MAN1A1: variants seen among roughly 807,000 people sequenced by gnomAD.
MAN1A1 encodes the protein mannosidase alpha class 1A member 1, also known as mannosyl-oligosaccharide 1,2-alpha-mannosidase IA.
MAN1A1 carries 29 observed loss-of-function variants against 70.8 expected under a neutral mutation model. The ratio of observed to expected loss-of-function variants is 0.41; its 90% CI spans 0.31 to 0.56. The LOEUF is 0.56. MAN1A1 is among the 20% of genes least tolerant of loss of function. The probability of loss-of-function intolerance (pLI) is 0.29; values close to 1 mark genes in which losing one functional copy is unlikely to be tolerated. For missense variants in MAN1A1, 747 were observed against 841.3 expected (o/e 0.89, Z 1.39); for synonymous variants, 349 against 330.1 (o/e 1.06, Z -0.62).
At chr6:119,188,338 A>G (rs1773348006) in intron 11 of MAN1A1, 67 bp downstream of exon 11, 1 of 1,399,894 alleles carries the variant, frequency 7.1e-7, no homozygotes, top group South Asian at 1.4e-5. Context: ...AGCCTGATTT[A>G]TGGGTATCAC....
Position 119,290,949 on chromosome 6 carries a change from C to T in MAN1A1, c.817-186G>A, listed in dbSNP as rs185488395. Among the ~76,000 whole-genome samples, 296 of 151,918 alleles carry T rather than the reference C, an allele frequency of 1.9e-3. 3 individuals carry two copies. Among genetic ancestry groups the T allele is most frequent in the African/African-American group, 6.7e-3 (278 of 41,466 alleles). On this transcript the variant is annotated intron_variant, in intron 4 of 12. Coordinates refer to ENST00000368468, the MANE Select transcript of MAN1A1 (RefSeq NM_005907.4). ...AAATATCACTGTGCATTATACGTAT[C>T]GAAACATCACTAACGGACCCCCAAA... is the stretch of plus-strand genomic sequence containing the variant.
chr6:119,275,000 CTAT>C (rs375771090), intron 5 of MAN1A1, among the ~76,000 whole-genome samples: 2 of 152,268 alleles, frequency 1.3e-5, no homozygotes, highest in African/African-American at 4.8e-5. Context: ...GTGCAAAAAT[CTAT>C]TATTAACTCA....
Position 119,302,053 on chromosome 6 carries a change from T to C in MAN1A1, c.751A>G (p.Met251Val), listed in dbSNP as rs780013133. The C allele has an allele frequency of 3.1e-6, 5 of 1,610,804 alleles. No homozygotes were observed. In the Admixed American group the frequency reaches 6.7e-5, roughly 21 times the overall value. Reference protein sequence around the residue: ...IVDALDTLFIMEMKHEFEEAK... With the variant: ...IVDALDTLFIVEMKHEFEEAK... Reference sequence around the variant, plus strand: ...TCTTCAAATTCATGTTTCATTTCCATAATAAAAAGTGTATCCAGGGCATCT... The same window carrying C: ...TCTTCAAATTCATGTTTCATTTCCACAATAAAAAGTGTATCCAGGGCATCT... The change falls in exon 4 of 13, where the codon ATG (methionine) becomes GTG (valine). Residue 251 changes from methionine to valine, a missense_variant. By Grantham distance (21) the Met-to-Val change is conservative. Transcript: ENST00000368468.
intron 11 of MAN1A1, among the ~76,000 whole-genome samples, chr6:119,182,722 T>C (rs1360293088): frequency 1.3e-5 from 2 of 152,080 alleles, no homozygotes; most frequent in African/African-American, 4.8e-5. Flanking sequence ...ACAAAAATAA[T>C]AAAGTTTAAG....
intron 2 of MAN1A1, among the ~76,000 whole-genome samples, chr6:119,309,253 A>AGT (rs1459967255): frequency 6.6e-6 from 1 of 152,220 alleles, no homozygotes; most frequent in African/African-American, 2.4e-5. Context: ...ACATTGTGTG[A>AGT]GTGTGTGTGT....
At chr6:119,211,654 G>A (rs1774053926) in intron 6 of MAN1A1, among the ~76,000 whole-genome samples, 1 of 152,018 alleles carries the variant, frequency 6.6e-6, no homozygotes, top group African/African-American at 2.4e-5. Flanking sequence ...TCACAAATTT[G>A]CAATGGTCTG....
At chr6:119,332,407 G>A (rs1213282422) in intron 2 of MAN1A1, among the ~76,000 whole-genome samples, 2 of 152,194 alleles carry the variant, frequency 1.3e-5, no homozygotes, top group African/African-American at 4.8e-5. Context: ...TAAAAGTATA[G>A]TTTTAACTGT....
chr6:119,186,491 G>GAA (rs995987733), intron 11 of MAN1A1, among the ~76,000 whole-genome samples: 2 of 152,158 alleles, frequency 1.3e-5, no homozygotes, highest in Non-Finnish European at 2.9e-5. Context: ...ACTCCTGCTA[G>GAA]AAACCCTCTG....
chr6:119,183,409 T>G (rs1773204518), intron 11 of MAN1A1, among the ~76,000 whole-genome samples: 1 of 151,972 alleles, frequency 6.6e-6, no homozygotes. Flanking sequence ...TTTCCTCCTT[T>G]TTTTTTGACA....
chr6:119,329,462 C>G (rs541975614), intron 2 of MAN1A1, among the ~76,000 whole-genome samples: 120 of 151,988 alleles, frequency 7.9e-4, no homozygotes, highest in Middle Eastern at 6.8e-3. Flanking sequence ...ATATCCCCCC[C>G]CCACCCACTG....
chr6:119,346,702 C>T (rs900962186), intron 2 of MAN1A1, among the ~76,000 whole-genome samples: 2 of 152,222 alleles, frequency 1.3e-5, no homozygotes, highest in Non-Finnish European at 2.9e-5. Flanking sequence ...TGTAATCACT[C>T]TTGGTCAGTA....
intron 2 of MAN1A1, among the ~76,000 whole-genome samples, chr6:119,338,393 A>G (rs1562248219): frequency 6.6e-6 from 1 of 152,078 alleles, no homozygotes; most frequent in Non-Finnish European, 1.5e-5. Flanking sequence ...AAAATAAAAT[A>G]TCTTTGACAA....
intron 6 of MAN1A1, among the ~76,000 whole-genome samples, chr6:119,241,946 GT>G (rs1775020044): frequency 1.7e-4 from 1 of 5,902 alleles, no homozygotes; most frequent in Non-Finnish European, 5.8e-4. Flanking sequence ...GTGTGTGTAT[GT>G]ATGTGTGTGT....
intron 5 of MAN1A1, among the ~76,000 whole-genome samples, chr6:119,280,916 A>G (rs1279402223): frequency 6.6e-6 from 1 of 152,216 alleles, no homozygotes; most frequent in Non-Finnish European, 1.5e-5. Flanking sequence ...TCAAAGAAAA[A>G]GTGGTGGAAG....
chr6:119,331,884 C>T (rs1010980036), intron 2 of MAN1A1: 14 of 450,724 alleles, frequency 3.1e-5, no homozygotes, highest in African/African-American at 2.4e-4. Context: ...ATATGGGGAA[C>T]CCAGCAGAGA....
intron 6 of MAN1A1, among the ~76,000 whole-genome samples, chr6:119,229,370 C>T (rs1032364175): frequency 1.3e-5 from 2 of 152,140 alleles, no homozygotes; most frequent in Admixed American, 1.3e-4. Flanking sequence ...GTTAATAGTT[C>T]TGAGAAGTTT....
intron 6 of MAN1A1, among the ~76,000 whole-genome samples, chr6:119,220,591 C>T (rs1002205488): frequency 3.9e-5 from 6 of 152,136 alleles, no homozygotes; most frequent in Non-Finnish European, 8.8e-5. Context: ...CAATTAATCA[C>T]CACAACAACC....
At chr6:119,347,895 C>A (rs1562251739) in intron 2 of MAN1A1, among the ~76,000 whole-genome samples, 1 of 152,190 alleles carries the variant, frequency 6.6e-6, no homozygotes, top group Admixed American at 6.5e-5. Flanking sequence ...AAGAGGCAGC[C>A]GACTGGCTTT....
At chr6:119,241,346 G>C (rs1047760057) in intron 6 of MAN1A1, among the ~76,000 whole-genome samples, 15 of 152,146 alleles carry the variant, frequency 9.9e-5, no homozygotes, top group African/African-American at 3.6e-4. Flanking sequence ...AGTGGACCTG[G>C]CTGCCTCACT....
Sources: gnomAD v4.1 joint callset for allele counts (sites outside exome capture counted in the v4.1 genomes callset) on GRCh38, gnomAD v4.1.1 for gene constraint, MANE v1.5 for transcripts, NCBI Gene and HGNC (gene_info 2026-07-23, HGNC 2026-07-21) for gene names.